Variants in BRPF3 observed in about 807,000 individuals in gnomAD.
BRPF3 encodes the protein bromodomain and PHD finger-containing protein 3.
A neutral mutation model predicts 102.0 loss-of-function variants in BRPF3; 18 were observed. That is an observed-to-expected ratio of 0.18 (90% confidence interval 0.12 to 0.26). BRPF3 has a LOEUF of 0.26. BRPF3 is among the 10% of genes least tolerant of loss of function. The pLI is 1.00. For synonymous variants in BRPF3, 570 were observed against 614.2 expected (o/e 0.93, Z 1.06); for missense variants, 1,147 against 1,567.8 (o/e 0.73, Z 4.53).
chr6:36,204,932 T>C (rs1261305188), intron 3 of BRPF3, 118 bp downstream of exon 3: 6 of 1,373,478 alleles, frequency 4.4e-6, no homozygotes, highest in Non-Finnish European at 5.9e-6. Flanking sequence ...TTTGCCTACC[T>C]GTCTGGGTGG....
In BRPF3 at chr6:36,228,974, G is replaced by T. The variant is rs1289714943; in HGVS notation, c.3352G>T (p.Val1118Leu). 3 of 1,614,122 alleles carry T rather than the reference G, an allele frequency of 1.9e-6. No individual in the cohort carries two copies. Among genetic ancestry groups the T allele is most frequent in the Non-Finnish European group, 1.7e-6 (2 of 1,180,050 alleles). ...TCCCATCCCTGTCCCCCCGCTGGAC[G>T]TGCTGAAGCTGGGAGAGCAGAAACA... ...GVPIPVPPLDVLKLGEQKQAE... is the reference protein window; with the variant it reads ...GVPIPVPPLDLLKLGEQKQAE... Residue 1118 changes from valine (V) to leucine (L), a missense_variant, in exon 12 of 13, where the codon GTG becomes TTG. Val to Leu is a conservative substitution (Grantham distance 32). Coordinates refer to ENST00000357641, the MANE Select transcript of BRPF3 (RefSeq NM_015695.3).
At chr6:36,227,117 T>C (rs1457576787) in intron 11 of BRPF3, among the ~76,000 whole-genome samples, 2 of 152,246 alleles carry the variant, frequency 1.3e-5, no homozygotes, top group Non-Finnish European at 2.9e-5. Context: ...TGGTGTATGC[T>C]CTCCTAGTCT....
At chr6:36,209,510 T>G (rs978134352) in intron 4 of BRPF3, among the ~76,000 whole-genome samples, 19 of 152,306 alleles carry the variant, frequency 1.2e-4, no homozygotes, top group Non-Finnish European at 2.4e-4. Context: ...GTAAGGGCTA[T>G]AGAAGTGTTA....
In BRPF3 at chr6:36,201,192, G is replaced by C. The variant is rs891510674; in HGVS notation, c.870G>C (p.Val290=). Residue 290 remains valine, a synonymous_variant, in exon 2 of 13, where the codon GTG becomes GTC. Transcript: ENST00000357641. The surrounding 1 kb of genome is among the most constrained non-coding windows in gnomAD (Gnocchi z 5.1). ...KQTSDGHWAH[V]VCAIWIPEVC... Reference sequence around the variant, plus strand: ...CCAGTGATGGGCACTGGGCCCATGTGGTGTGTGCCATCTGGATCCCTGAAG... The same window carrying C: ...CCAGTGATGGGCACTGGGCCCATGTCGTGTGTGCCATCTGGATCCCTGAAG... The C allele has an allele frequency of 1.2e-6, 2 of 1,614,128 alleles. No individual in the cohort carries two copies. The highest frequency in any genetic ancestry group is 8.5e-7 in the Non-Finnish European group (1 of 1,180,030).
intron 3 of BRPF3, among the ~76,000 whole-genome samples, chr6:36,205,825 T>C (rs928849706): frequency 6.6e-6 from 1 of 152,246 alleles, no homozygotes. Context: ...AGACTTTTTG[T>C]CTTGTCCTCA....
At chr6:36,225,411 TG>T (rs1768701880) in intron 11 of BRPF3, 47 bp downstream of exon 11, 2 of 1,512,566 alleles carry the variant, frequency 1.3e-6, no homozygotes, top group African/African-American at 1.4e-5. Context: ...TGCCTTGCCT[TG>T]GGGGCTAATC....
intron 9 of BRPF3, among the ~76,000 whole-genome samples, chr6:36,221,181 G>A (rs920770619): frequency 5.3e-5 from 8 of 151,194 alleles, no homozygotes; most frequent in African/African-American, 1.7e-4. Context: ...TTGCAACATT[G>A]CTTTGGTATT....
chr6:36,202,465 T>G (rs1767747730), intron 2 of BRPF3, among the ~76,000 whole-genome samples: 1 of 138,136 alleles, frequency 7.2e-6, no homozygotes, highest in South Asian at 2.7e-4. Context: ...TGGTACCTGT[T>G]TTAAAACATC....
At chr6:36,198,381 C>G (rs539621088) in intron 1 of BRPF3, among the ~76,000 whole-genome samples, 1 of 152,274 alleles carries the variant, frequency 6.6e-6, no homozygotes, top group South Asian at 2.1e-4. Context: ...CTCTAGGTCA[C>G]AGAGGGCCAA....
At chr6:36,212,956 T>C (rs1437593862) in intron 7 of BRPF3, among the ~76,000 whole-genome samples, 3 of 150,578 alleles carry the variant, frequency 2.0e-5, no homozygotes, top group Non-Finnish European at 4.4e-5. Context: ...CGAGACTCCG[T>C]CTCAAAAAAA....
chr6:36,207,309 G>T lies in BRPF3; in HGVS notation c.1606-4G>T. On this transcript the variant is annotated splice_region_variant and splice_polypyrimidine_tract_variant and intron_variant, in intron 3 of 12. Coordinates refer to ENST00000357641, the MANE Select transcript of BRPF3 (RefSeq NM_015695.3). The stretch of plus-strand genomic sequence containing the variant: ...CCTAGTCCCTCTTCTCTTCCCTCCT[G>T]TAGCGAGAGCAGGATGAGAAGACAA... The T allele has an allele frequency of 6.2e-7, 1 of 1,613,406 alleles. No homozygotes were observed. The highest frequency in any genetic ancestry group is 8.5e-7 in the Non-Finnish European group (1 of 1,179,708).
intron 3 of BRPF3, 69 bp from the exon 4 acceptor site, chr6:36,207,244 G>C: frequency 6.4e-7 from 1 of 1,573,138 alleles, no homozygotes; most frequent in South Asian, 1.2e-5. Context: ...GCAGCCCCGT[G>C]AGGCTTGAAC....
intron 8 of BRPF3, 140 bp downstream of exon 8, chr6:36,214,526 C>A: frequency 1.9e-6 from 2 of 1,065,952 alleles, no homozygotes; most frequent in Non-Finnish European, 2.6e-6. Context: ...CCATAGCTCA[C>A]AGTTGGGCCT....
intron 9 of BRPF3, among the ~76,000 whole-genome samples, chr6:36,219,483 T>A (rs753483504): frequency 4.6e-5 from 7 of 152,208 alleles, no homozygotes; most frequent in Non-Finnish European, 1.0e-4. Context: ...CAAACTATCC[T>A]TTTCTTGCTC....
intron 7 of BRPF3, among the ~76,000 whole-genome samples, chr6:36,213,049 G>A (rs1018260436): frequency 2.6e-5 from 4 of 152,018 alleles, no homozygotes; most frequent in Non-Finnish European, 5.9e-5. Flanking sequence ...TTTCACATTT[G>A]TGAACTTTTT....
chr6:36,198,485 G>C (rs1221581532), intron 1 of BRPF3, among the ~76,000 whole-genome samples: 2 of 152,104 alleles, frequency 1.3e-5, no homozygotes. Flanking sequence ...ATTGAGCATC[G>C]GAAGACCTGG....
rs1768959195 is a variant in BRPF3 at position 36,232,161 on chromosome 6, G to A, written c.*1552G>A. ...AAACACTATAACTTAAAAGGATGGG[G>A]TTTTGGATTTTGTATAATAATAAAA... is the stretch of plus-strand genomic sequence containing the variant. On this transcript the variant is annotated 3_prime_UTR_variant, in exon 13 of 13. Transcript: ENST00000357641. The A allele has an allele frequency of 6.6e-6, 1 of 152,644 alleles. No homozygotes were observed. Among genetic ancestry groups the A allele is most frequent in the Admixed American group, 6.5e-5 (1 of 15,290 alleles). The allele number at this position is 152,644 out of a possible 1,614,324, so 9.5% of individuals were successfully genotyped here.
chr6:36,230,310 C>G lies in BRPF3; in HGVS notation c.3435-116C>G, dbSNP rs1768895734. 1 of 1,024,316 alleles carries G rather than the reference C, an allele frequency of 9.8e-7. No homozygotes were observed. Among genetic ancestry groups the G allele is most frequent in the East Asian group, 2.5e-5 (1 of 40,610 alleles). 63.5% of individuals were successfully genotyped at this position (1,024,316 alleles called of 1,614,324 possible). A position where few individuals can be genotyped will look rare whatever the true frequency, so the allele number is the denominator to read the frequency against. On this transcript the variant is annotated intron_variant, in intron 12 of 12. Transcript: ENST00000357641. The surrounding 1 kb of genome is among the most constrained non-coding windows in gnomAD (Gnocchi z 5.4). Reference sequence around the variant, plus strand: ...TGCATGGAGTCCCCCAATTTGCTTCCCTCTGCCCTGTACCCTCTCCCTGGC... The same window carrying G: ...TGCATGGAGTCCCCCAATTTGCTTCGCTCTGCCCTGTACCCTCTCCCTGGC...
intron 8 of BRPF3, among the ~76,000 whole-genome samples, chr6:36,217,541 T>G (rs928191045): frequency 1.3e-5 from 2 of 152,210 alleles, no homozygotes; most frequent in Non-Finnish European, 2.9e-5. Flanking sequence ...GAAGGCTACC[T>G]GATAATCGAG....
Sources: allele counts gnomAD v4.1 joint callset (sites outside exome capture counted in the v4.1 genomes callset), GRCh38; gene constraint gnomAD v4.1.1; non-coding constraint Gnocchi (gnomAD v3.1); transcripts MANE v1.5; gene names NCBI Gene and HGNC (gene_info 2026-07-23, HGNC 2026-07-21).